ANKFN1: variants seen among roughly 807,000 people sequenced by gnomAD.
The protein encoded by ANKFN1 is ankyrin repeat and fibronectin type III domain containing 1, also known as ankyrin repeat and fibronectin type-III domain-containing protein 1.
Under a neutral mutation model 108.7 loss-of-function variants are expected in ANKFN1, and 74 were observed. That is an observed-to-expected ratio of 0.68 (90% CI 0.56 to 0.83). The LOEUF (loss-of-function observed/expected upper bound fraction) is 0.83, where lower values mean the gene tolerates loss of function less well. Among genes scored for constraint, ANKFN1 ranks in the 40% least tolerant of loss-of-function variants. ANKFN1 has a pLI of 0.00. For missense variants in ANKFN1, 1,505 were observed against 1,382.3 expected (o/e 1.09, Z -1.41); for synonymous variants, 547 against 516.2 (o/e 1.06, Z -0.81).
At position 56,372,794 on chromosome 17, in the gene ANKFN1, GAGGTATCGGCTCT is replaced by G; in HGVS notation, c.752_764del (p.Arg251ThrfsTer4). The G allele has an allele frequency of 6.2e-7, 1 of 1,614,004 alleles. No individual in the cohort carries two copies. The highest frequency in any genetic ancestry group is 8.5e-7 in the Non-Finnish European group (1 of 1,179,986). ...AGAAGCAGCTGAAAGCTTGGGAGTGGAGGTATCGGCTCTACAGACGCATGAAAACAGGCTTTGA... is the reference window on the plus strand; with the variant it reads ...AGAAGCAGCTGAAAGCTTGGGAGTGGACAGACGCATGAAAACAGGCTTTGA... On this transcript the variant is annotated frameshift_variant, in exon 7 of 21. Transcript: ENST00000682825. LOFTEE classifies it high-confidence loss of function.
chr17:56,374,728 G>A lies in ANKFN1; in HGVS notation c.910+14G>A. 1 of 1,581,938 alleles carries A rather than the reference G, an allele frequency of 6.3e-7. No individual in the cohort carries two copies. Among genetic ancestry groups the A allele is most frequent in the South Asian group, 1.1e-5 (1 of 88,632 alleles). ...CCAGGTATAAAGGTACTGGACCCAA[G>A]ACATGTTTTCATCACTCCTTCTTAA... On this transcript the variant is annotated intron_variant, in intron 8 of 20. Coordinates refer to ENST00000682825, the MANE Select transcript of ANKFN1 (RefSeq NM_001370326.1).
intron 8 of ANKFN1, among the ~76,000 whole-genome samples, chr17:56,421,736 T>G (rs1598579288): frequency 6.6e-6 from 1 of 152,176 alleles, no homozygotes. Flanking sequence ...TTGTCAAGGA[T>G]TTTTCATATC....
rs1911414053 is a variant in ANKFN1 at position 56,178,829 on chromosome 17, C to T, written c.-71+25299C>T. ...AGCATTTGAAGGGTGCAACGTGTAG[C>T]ATTTGCCAAACCTATTTGAACATGT... On this transcript the variant is annotated intron_variant, in intron 1 of 20. Coordinates refer to ENST00000682825, the MANE Select transcript of ANKFN1 (RefSeq NM_001370326.1). Among the ~76,000 whole-genome samples the T allele has an allele frequency of 3.3e-5, 5 of 152,234 alleles. No individual in the cohort carries two copies. The South Asian group carries it at 1.0e-3, about 32-fold the overall frequency.
chr17:56,064,628 A>G (rs1003011112), intron 4 of ANKFN1, among the ~76,000 whole-genome samples: 1 of 152,178 alleles, frequency 6.6e-6, no homozygotes, highest in Non-Finnish European at 1.5e-5. Flanking sequence ...AATAGATGCC[A>G]CCTTTCCCCC....
intron 8 of ANKFN1, among the ~76,000 whole-genome samples, chr17:56,436,053 G>T (rs1849054979): frequency 6.6e-6 from 1 of 152,020 alleles, no homozygotes; most frequent in Non-Finnish European, 1.5e-5. Flanking sequence ...GGCTTCAGGG[G>T]CTCTTTTTCA....
intron 7 of ANKFN1, among the ~76,000 whole-genome samples, chr17:56,373,813 T>C (rs2046875863): frequency 6.6e-6 from 1 of 152,248 alleles, no homozygotes; most frequent in South Asian, 2.1e-4. Context: ...ATGCATTTGC[T>C]ATTATGCCTC....
intron 4 of ANKFN1, among the ~76,000 whole-genome samples, chr17:56,053,359 GTTTTAATTTT>G (rs1904810923): frequency 6.6e-6 from 1 of 152,060 alleles, no homozygotes; most frequent in Non-Finnish European, 1.5e-5. Flanking sequence ...GAGTTCAACT[GTTTTAATTTT>G]TAGCACCCAC....
chr17:56,067,424 T>G (rs1905073766), intron 4 of ANKFN1, among the ~76,000 whole-genome samples: 1 of 152,156 alleles, frequency 6.6e-6, no homozygotes, highest in African/African-American at 2.4e-5. Flanking sequence ...CTCGGTGCCT[T>G]CTTTATCTCA....
chr17:56,383,954 G>A (rs574099690), intron 8 of ANKFN1, among the ~76,000 whole-genome samples: 12 of 152,306 alleles, frequency 7.9e-5, no homozygotes, highest in Admixed American at 2.6e-4. Context: ...TAGAAAAAGA[G>A]GGAATCCTCT....
At chr17:56,109,923 T>C (rs1285837602) in intron 4 of ANKFN1, among the ~76,000 whole-genome samples, 3 of 152,188 alleles carry the variant, frequency 2.0e-5, no homozygotes, top group African/African-American at 4.8e-5. Flanking sequence ...CTGGGAAGAA[T>C]GCAGCTATGG....
intron 8 of ANKFN1, among the ~76,000 whole-genome samples, chr17:56,387,087 T>G (rs547441415): frequency 2.0e-5 from 3 of 152,090 alleles, no homozygotes; most frequent in Non-Finnish European, 4.4e-5. Context: ...ACTATTTTGT[T>G]GGTTTGTTTG....
At chr17:56,236,641 G>T (rs1281547107) in intron 3 of ANKFN1, among the ~76,000 whole-genome samples, 1 of 152,090 alleles carries the variant, frequency 6.6e-6, no homozygotes, top group Non-Finnish European at 1.5e-5. Context: ...TGCAAACAAG[G>T]GTAGTTTGAC....
intron 4 of ANKFN1, among the ~76,000 whole-genome samples, chr17:56,137,910 C>A (rs1907688206): frequency 6.6e-6 from 1 of 152,138 alleles, no homozygotes; most frequent in Admixed American, 6.6e-5. Context: ...ACATTAGCCT[C>A]ATTGACAATT....
At chr17:56,176,076 G>A (rs1488841343) in intron 1 of ANKFN1, among the ~76,000 whole-genome samples, 1 of 151,944 alleles carries the variant, frequency 6.6e-6, no homozygotes, top group Non-Finnish European at 1.5e-5. Context: ...TGGGAGGGGA[G>A]GATTGTTCTT....
chr17:56,425,849 G>A (rs186579176), intron 8 of ANKFN1, among the ~76,000 whole-genome samples: 31 of 152,206 alleles, frequency 2.0e-4, no homozygotes, highest in African/African-American at 5.5e-4. Flanking sequence ...TGACCGTCTC[G>A]CTTCCCACCA....
intron 2 of ANKFN1, among the ~76,000 whole-genome samples, chr17:56,214,234 C>T (rs1915257383): frequency 6.6e-6 from 1 of 152,104 alleles, no homozygotes; most frequent in Non-Finnish European, 1.5e-5. Context: ...TGTTGTAGAG[C>T]TCTTTTAGTA....
chr17:56,401,218 A>G (rs1237590774), intron 8 of ANKFN1, among the ~76,000 whole-genome samples: 2 of 152,164 alleles, frequency 1.3e-5, no homozygotes, highest in Admixed American at 6.5e-5. Flanking sequence ...CCCATCCATG[A>G]GCATGGGATG....
Position 56,341,809 on chromosome 17 carries a change from G to A in ANKFN1, c.189-8957G>A, listed in dbSNP as rs568387050. Among the ~76,000 whole-genome samples the A allele has an allele frequency of 2.6e-5, 4 of 151,780 alleles. 1 individual carries two copies. Among genetic ancestry groups the A allele is most frequent in the Non-Finnish European group, 5.9e-5 (4 of 67,930 alleles). On this transcript the variant is annotated intron_variant, in intron 4 of 20. Coordinates refer to ENST00000682825, the MANE Select transcript of ANKFN1 (RefSeq NM_001370326.1). ...TGCCAGGTTTTGGTATCAGGGTGAT[G>A]CTGGCCTCATAGAATCAGTTAGGGA... is the stretch of plus-strand genomic sequence containing the variant.
At chr17:56,456,171 T>C (rs1219563736) in intron 11 of ANKFN1, among the ~76,000 whole-genome samples, 2 of 152,186 alleles carry the variant, frequency 1.3e-5, no homozygotes, top group African/African-American at 4.8e-5. Flanking sequence ...TTGAGAATTG[T>C]ATGAATGTTA....
Sources: gnomAD v4.1 joint callset for allele counts (sites outside exome capture counted in the v4.1 genomes callset) on GRCh38, gnomAD v4.1.1 for gene constraint, MANE v1.5 for transcripts, NCBI Gene and HGNC (gene_info 2026-07-23, HGNC 2026-07-21) for gene names.